The following P2RY14 variants were observed in gnomAD, a reference collection of about 807,000 sequenced individuals.
The protein encoded by P2RY14 is purinergic receptor P2Y14, also known as P2Y purinoceptor 14.
A neutral mutation model predicts 0.9 loss-of-function variants in P2RY14; 2 were observed. The observed-to-expected ratio is 2.16, with a 90% CI of 0.88 to 6.79. The LOEUF (loss-of-function observed/expected upper bound fraction) is 6.79. Ranked by LOEUF, P2RY14 falls within the 30% of genes most tolerant of loss-of-function variation. P2RY14 has a pLI of 0.05. For synonymous variants in P2RY14, 158 were observed against 147.2 expected, an observed-to-expected ratio of 1.07 and a Z score of -0.53; for missense variants, 378 against 400.1, an observed-to-expected ratio of 0.94 and a Z score of 0.47.
chr3:151,231,939 TTG>T (rs2149329507), intron 1 of P2RY14, among the ~76,000 whole-genome samples: 1 of 152,346 alleles, frequency 6.6e-6, no homozygotes, highest in African/African-American at 2.4e-5. Flanking sequence ...TTGTATAAAC[TTG>T]TGTATTCATG....
At chr3:151,257,622 A>G (rs1014302975) in intron 1 of P2RY14, among the ~76,000 whole-genome samples, 1 of 152,226 alleles carries the variant, frequency 6.6e-6, no homozygotes, top group Non-Finnish European at 1.5e-5. Context: ...TGTCATCAGT[A>G]TTATTTCGTA....
intron 1 of P2RY14, among the ~76,000 whole-genome samples, chr3:151,276,328 C>T (rs1741848622): frequency 6.6e-6 from 1 of 152,210 alleles, no homozygotes; most frequent in South Asian, 2.1e-4. Flanking sequence ...ATCCACTGCT[C>T]TATCCAAACA....
chr3:151,216,597 A>G (rs1057267023), intron 2 of P2RY14, among the ~76,000 whole-genome samples: 11 of 152,172 alleles, frequency 7.2e-5, no homozygotes, highest in Admixed American at 1.3e-4. Context: ...CAGTCTATGG[A>G]CTTCCTATAG....
chr3:151,256,954 G>A (rs1454840522), intron 1 of P2RY14, among the ~76,000 whole-genome samples: 1 of 150,796 alleles, frequency 6.6e-6, no homozygotes, highest in East Asian at 2.0e-4. Context: ...CACTTATCAA[G>A]TCCACATATG....
At chr3:151,218,480 T>C (rs16863252) in intron 2 of P2RY14, among the ~76,000 whole-genome samples, 38 of 152,364 alleles carry the variant, frequency 2.5e-4, no homozygotes, top group East Asian at 9.6e-4. Context: ...GTTGTCATTA[T>C]GTTAACCTTG....
intron 1 of P2RY14, among the ~76,000 whole-genome samples, chr3:151,242,975 G>A (rs1313001567): frequency 1.3e-5 from 2 of 151,790 alleles, no homozygotes; most frequent in Admixed American, 1.3e-4. Flanking sequence ...GAATGCAGAA[G>A]CCTCAGGAGC....
chr3:151,265,156 C>T (rs1462657558), intron 1 of P2RY14, among the ~76,000 whole-genome samples: 1 of 152,212 alleles, frequency 6.6e-6, no homozygotes, highest in Non-Finnish European at 1.5e-5. Context: ...AGAGCAGTAT[C>T]TGGCACAGTG....
intron 1 of P2RY14, among the ~76,000 whole-genome samples, chr3:151,261,227 C>T (rs915809512): frequency 1.6e-4 from 25 of 151,956 alleles, no homozygotes; most frequent in African/African-American, 4.8e-4. Context: ...TTTGCATGAA[C>T]GAATGATGGA....
At chr3:151,252,148 T>C (rs1013853602) in intron 1 of P2RY14, among the ~76,000 whole-genome samples, 9 of 152,112 alleles carry the variant, frequency 5.9e-5, no homozygotes, top group Non-Finnish European at 4.4e-5. Flanking sequence ...CTCACCTTCC[T>C]GTGTTACCAA....
chr3:151,243,296 C>T (rs1255592032), intron 1 of P2RY14, among the ~76,000 whole-genome samples: 1 of 151,480 alleles, frequency 6.6e-6, no homozygotes, highest in African/African-American at 2.4e-5. Flanking sequence ...AGAAGAGCAA[C>T]TCCAAGACAC....
At chr3:151,270,031 G>A (rs190878660) in intron 1 of P2RY14, 2 of 240,696 alleles carry the variant, frequency 8.3e-6, no homozygotes, top group East Asian at 1.3e-4. Context: ...GATGAAGAAG[G>A]ATGGGAAGAT....
chr3:151,226,440 A>G (rs537597864), intron 1 of P2RY14, among the ~76,000 whole-genome samples: 15 of 152,308 alleles, frequency 9.8e-5, no homozygotes, highest in African/African-American at 1.9e-4. Flanking sequence ...TGATTCATCA[A>G]AGGGCACCTA....
intron 1 of P2RY14, among the ~76,000 whole-genome samples, chr3:151,253,264 G>C (rs1737182363): frequency 6.6e-6 from 1 of 152,170 alleles, no homozygotes; most frequent in Non-Finnish European, 1.5e-5. Flanking sequence ...TGAGTTAATT[G>C]AGAGGCACGT....
intron 1 of P2RY14, among the ~76,000 whole-genome samples, chr3:151,245,897 A>C (rs28870986): frequency 0.012 from 1,763 of 151,848 alleles, 21 homozygotes; most frequent in East Asian, 0.042. Context: ...AAATCTCCTT[A>C]AGCTGATAAG....
intron 1 of P2RY14, among the ~76,000 whole-genome samples, chr3:151,226,025 C>A (rs1165469710): frequency 6.6e-6 from 1 of 152,162 alleles, no homozygotes; most frequent in African/African-American, 2.4e-5. Flanking sequence ...TCAGAACATG[C>A]TGCCATGCCC....
intron 1 of P2RY14, among the ~76,000 whole-genome samples, chr3:151,277,259 A>G (rs1241355526): frequency 6.6e-6 from 1 of 151,654 alleles, no homozygotes; most frequent in East Asian, 1.9e-4. Context: ...ATATATACCA[A>G]TGTGTTAATT....
intron 1 of P2RY14, among the ~76,000 whole-genome samples, chr3:151,235,133 T>A (rs1021241505): frequency 2.6e-4 from 40 of 152,258 alleles, no homozygotes; most frequent in African/African-American, 9.1e-4. Context: ...GGTATTTTGG[T>A]CCAGTGGAAC....
At chr3:151,261,981 C>A (rs1334629228) in intron 1 of P2RY14, among the ~76,000 whole-genome samples, 1 of 152,142 alleles carries the variant, frequency 6.6e-6, no homozygotes, top group Non-Finnish European at 1.5e-5. Context: ...CCCGCCTCGG[C>A]CTCCCAGTGT....
intron 2 of P2RY14, among the ~76,000 whole-genome samples, chr3:151,214,685 A>G (rs1576992795): frequency 6.6e-6 from 1 of 151,936 alleles, no homozygotes; most frequent in East Asian, 1.9e-4. Flanking sequence ...CAGTAAAGAG[A>G]AACTGGAGCA....
Sources: gnomAD v4.1 joint callset for allele counts (sites outside exome capture counted in the v4.1 genomes callset) on GRCh38, gnomAD v4.1.1 for gene constraint, MANE v1.5 for transcripts, NCBI Gene and HGNC (gene_info 2026-07-23, HGNC 2026-07-21) for gene names.